The following TOX2 variants were observed in gnomAD, a reference collection of about 807,000 sequenced individuals.
TOX2 encodes the protein TOX high mobility group box family member 2.
A neutral mutation model predicts 47.4 loss-of-function variants in TOX2; 15 were observed. The observed-to-expected ratio is 0.32, with a 90% confidence interval of 0.21 to 0.49. The LOEUF (loss-of-function observed/expected upper bound fraction) is 0.49. Ranked by LOEUF, TOX2 falls within the 20% of genes least tolerant of loss-of-function variation. TOX2 has a pLI of 0.99. For synonymous variants in TOX2, 290 were observed against 296.6 expected (o/e 0.98, Z 0.23); for missense variants, 622 against 673.1 (o/e 0.92, Z 0.84).
intron 3 of TOX2, among the ~76,000 whole-genome samples, chr20:44,027,697 G>A (rs1246047509): frequency 6.6e-6 from 1 of 152,226 alleles, no homozygotes; most frequent in Non-Finnish European, 1.5e-5. Flanking sequence ...CAGTGCCTAG[G>A]TGCTTGGGGA....
rs548177794 is a variant in TOX2, at chr20:43,973,457, G to A, written c.165+25G>A. ...GGTGGGTGCCTCATCCTCCCTGAAC[G>A]GGTGTCTTAAGATTTGGGCTGGCTG... On this transcript the variant is annotated intron_variant, in intron 2 of 8. Coordinates refer to ENST00000341197, the MANE Select transcript of TOX2 (RefSeq NM_001098797.2). 3.8e-5 allele frequency: 62 copies of A among 1,612,852 alleles called. 1 individual carries two copies. The South Asian group carries it at 5.4e-4, about 14-fold the overall frequency.
intron 1 of TOX2, among the ~76,000 whole-genome samples, chr20:43,933,527 C>T (rs560028958): frequency 2.6e-5 from 4 of 152,282 alleles, no homozygotes; most frequent in Admixed American, 6.5e-5. Context: ...AGAATCAAGG[C>T]GCTTGTGTTA....
chr20:43,922,165 A>G (rs931727617), intron 1 of TOX2, among the ~76,000 whole-genome samples: 1 of 152,172 alleles, frequency 6.6e-6, no homozygotes, highest in Non-Finnish European at 1.5e-5. Flanking sequence ...AGATCAGATT[A>G]AAGTAATAGG....
At chr20:43,974,679 A>G (rs896400484) in intron 2 of TOX2, among the ~76,000 whole-genome samples, 1 of 152,228 alleles carries the variant, frequency 6.6e-6, no homozygotes, top group African/African-American at 2.4e-5. Context: ...TTAATTCACA[A>G]ATATTTATGT....
In TOX2 at chr20:43,965,822, A is replaced by G. The variant is rs765546455; in HGVS notation, c.100-7545A>G. Reference sequence around the variant, plus strand: ...GGTGAAGAGGCTGACCTTGAACAGGAGAGAGATACCTTTTCAGACTAAAGG... The same window carrying G: ...GGTGAAGAGGCTGACCTTGAACAGGGGAGAGATACCTTTTCAGACTAAAGG... On this transcript the variant is annotated intron_variant, in intron 1 of 8. Transcript: ENST00000341197. Among the ~76,000 whole-genome samples the G allele has an allele frequency of 5.8e-4, 88 of 152,178 alleles. 2 individuals are homozygous for G. The highest frequency in any genetic ancestry group is 2.6e-4 in the Non-Finnish European group (18 of 68,028).
intron 1 of TOX2, among the ~76,000 whole-genome samples, chr20:43,959,821 C>T (rs935264051): frequency 1.6e-4 from 24 of 152,298 alleles, no homozygotes; most frequent in Non-Finnish European, 2.5e-4. Flanking sequence ...ATATTGGCAG[C>T]GCAGGGCAAC....
chr20:43,963,630 G>A (rs1271996439), intron 1 of TOX2, among the ~76,000 whole-genome samples: 1 of 152,152 alleles, frequency 6.6e-6, no homozygotes, highest in Non-Finnish European at 1.5e-5. Context: ...TTATCACCAG[G>A]CAGAATACGA....
intron 5 of TOX2, among the ~76,000 whole-genome samples, chr20:44,055,785 G>A (rs1269904643): frequency 6.6e-6 from 1 of 152,154 alleles, no homozygotes; most frequent in African/African-American, 2.4e-5. Context: ...CCTTGCATCT[G>A]GCTTCCATTC....
At chr20:43,986,778 T>C (rs2070275098) in intron 2 of TOX2, among the ~76,000 whole-genome samples, 1 of 152,158 alleles carries the variant, frequency 6.6e-6, no homozygotes. Context: ...TGCCTTCGTA[T>C]GTTCAGGCCA....
intron 1 of TOX2, among the ~76,000 whole-genome samples, chr20:43,921,476 T>C (rs1317297977): frequency 6.6e-6 from 1 of 152,140 alleles, no homozygotes; most frequent in Non-Finnish European, 1.5e-5. Flanking sequence ...GACATTGACA[T>C]CTCCCCTTTG....
chr20:43,992,246 T>C (rs946812536), intron 2 of TOX2, among the ~76,000 whole-genome samples: 2 of 152,134 alleles, frequency 1.3e-5, no homozygotes, highest in African/African-American at 4.8e-5. Flanking sequence ...GGGAGACTTA[T>C]CTGATCGACG....
chr20:44,047,947 G>C (rs1182838188), intron 3 of TOX2, among the ~76,000 whole-genome samples: 5 of 152,114 alleles, frequency 3.3e-5, no homozygotes, highest in African/African-American at 1.2e-4. Flanking sequence ...GGCCGGGTGT[G>C]GTGGCTCATG....
At chr20:43,981,263 C>T (rs1392425811) in intron 2 of TOX2, among the ~76,000 whole-genome samples, 2 of 152,116 alleles carry the variant, frequency 1.3e-5, no homozygotes, top group Admixed American at 1.3e-4. Flanking sequence ...ATACATTGAC[C>T]TTTAACCCAG....
intron 3 of TOX2, among the ~76,000 whole-genome samples, chr20:44,032,377 C>T (rs973845744): frequency 1.3e-4 from 20 of 152,328 alleles, no homozygotes; most frequent in African/African-American, 3.4e-4. Context: ...GGAGCGTCCC[C>T]GCGGTTGTAA....
At chr20:44,001,009 A>C (rs908317261) in intron 2 of TOX2, among the ~76,000 whole-genome samples, 31 of 152,270 alleles carry the variant, frequency 2.0e-4, no homozygotes, top group African/African-American at 7.2e-4. Context: ...GGATGAAAAC[A>C]TGATTGGAGT....
At chr20:44,008,545 G>A (rs1029184185) in intron 3 of TOX2, among the ~76,000 whole-genome samples, 3 of 124,122 alleles carry the variant, frequency 2.4e-5, no homozygotes, top group African/African-American at 1.0e-4. Context: ...GGGCCACGCA[G>A]CAAGACCCTG....
chr20:43,938,480 C>T (rs188014055), intron 1 of TOX2, among the ~76,000 whole-genome samples: 2 of 152,306 alleles, frequency 1.3e-5, no homozygotes, highest in Admixed American at 1.3e-4. Context: ...TGGCTCCTGC[C>T]CCATGTCCTG....
In TOX2 at chr20:44,006,806, G is replaced by A. The variant is rs767274156; in HGVS notation, c.411+14G>A. 1.7e-5 allele frequency: 27 copies of A among 1,609,208 alleles called. No homozygotes were observed. The highest frequency in any genetic ancestry group is 2.2e-5 in the East Asian group (1 of 44,798). On this transcript the variant is annotated intron_variant, in intron 3 of 8. Transcript: ENST00000341197. ...CAGCTGCCCACGGTGAGTCCCTATC[G>A]CCTGCTGCAGTTCCTGCTGATGACA...
chr20:44,026,842 G>T (rs2071075774), intron 3 of TOX2, among the ~76,000 whole-genome samples: 1 of 152,142 alleles, frequency 6.6e-6, no homozygotes, highest in South Asian at 2.1e-4. Flanking sequence ...TCTGTGGGGT[G>T]AGGCCACTGA....
Sources: gnomAD v4.1 joint callset for allele counts (sites outside exome capture counted in the v4.1 genomes callset) on GRCh38, gnomAD v4.1.1 for gene constraint, MANE v1.5 for transcripts, NCBI Gene and HGNC (gene_info 2026-07-23, HGNC 2026-07-21) for gene names.